Variants in ZC3H18 observed in about 807,000 individuals in gnomAD.
ZC3H18 encodes zinc finger CCCH-type containing 18, also known as zinc finger CCCH domain-containing protein 18.
Under a neutral mutation model 106.1 loss-of-function variants are expected in ZC3H18, and 8 were observed. The ratio of observed to expected loss-of-function variants is 0.08; its 90% CI spans 0.04 to 0.14. ZC3H18 has a LOEUF of 0.14. Ranked by LOEUF, ZC3H18 falls within the 10% of genes least tolerant of loss-of-function variation. ZC3H18 has a pLI of 1.00. For missense variants in ZC3H18, 1,318 were observed against 1,278.4 expected, an observed-to-expected ratio of 1.03 and a Z score of -0.47; for synonymous variants, 635 against 522.1, an observed-to-expected ratio of 1.22 and a Z score of -2.95.
rs1906405438 is a variant in ZC3H18, at chr16:88,627,811, A to G, written c.2269+29A>G. ...CTCAGGAGCCCTGGTACCTTTGGGG[A>G]GCAGCTCCCGGGGGAGGAGGGCGGC... On this transcript the variant is annotated intron_variant, in intron 14 of 17. Transcript: ENST00000301011. This position sits in a 1 kb window ranked among gnomAD's most constrained non-coding sequence, Gnocchi z 4.5. The G allele has an allele frequency of 2.5e-6, 4 of 1,609,568 alleles. No individual in the cohort carries two copies. The highest frequency in any genetic ancestry group is 3.4e-6 in the Non-Finnish European group (4 of 1,176,810).
At chr16:88,594,093 C>T (rs553933088) in intron 3 of ZC3H18, among the ~76,000 whole-genome samples, 1 of 152,256 alleles carries the variant, frequency 6.6e-6, no homozygotes, top group East Asian at 1.9e-4. Flanking sequence ...TGCATCTCTT[C>T]CTGGGGCTGT....
chr16:88,631,201 G>C lies in ZC3H18; in HGVS notation c.2764G>C (p.Ala922Pro), dbSNP rs1430095232. 1.2e-6 allele frequency: 2 copies of C among 1,613,738 alleles called. No individual in the cohort carries two copies. Among genetic ancestry groups the C allele is most frequent in the Admixed American group, 1.7e-5 (1 of 60,002 alleles). ...CGCCGCCAGCACCAAATCAGGGAAG[G>C]CCAGCACGCTGTCTCGGCGGGAGGA... is the stretch of plus-strand genomic sequence containing the variant. ...PGAASTKSGK[A>P]STLSRREELL... Residue 922 changes from alanine to proline, a missense_variant, in exon 18 of 18, where the codon GCC becomes CCC. Ala to Pro is a conservative substitution (Grantham distance 27). Transcript: ENST00000301011.
At chr16:88,599,209 G>T (rs1314366998) in intron 5 of ZC3H18, among the ~76,000 whole-genome samples, 1 of 151,758 alleles carries the variant, frequency 6.6e-6, no homozygotes, top group African/African-American at 2.4e-5. Flanking sequence ...TGCCCGAGCC[G>T]CACCCCCAGG....
rs1419074639 is a variant in ZC3H18, at chr16:88,628,005, A to G, written c.2355A>G (p.Pro785=). The G allele has an allele frequency of 6.2e-7, 1 of 1,614,194 alleles. No homozygotes were observed. The highest frequency in any genetic ancestry group is 1.1e-5 in the South Asian group (1 of 91,092). The stretch of plus-strand genomic sequence containing the variant: ...AACCACCCAAATCTGCAAAACCTCC[A>G]GCAGGGGGGAAGTCCTCCCAGCAGC... The part of the protein sequence containing the change: ...STQPPKSAKP[P]AGGKSSQQPS... The change falls in exon 15 of 18, where the codon CCA becomes CCG. Residue 785 remains proline (P), a synonymous_variant. Coordinates refer to ENST00000301011, the MANE Select transcript of ZC3H18 (RefSeq NM_144604.4).
chr16:88,601,966 A>G (rs1041089488), intron 6 of ZC3H18, among the ~76,000 whole-genome samples: 1 of 152,200 alleles, frequency 6.6e-6, no homozygotes, highest in Non-Finnish European at 1.5e-5. Flanking sequence ...AAGAGCATCT[A>G]AGGGAAGGGT....
chr16:88,596,905 A>G (rs779401410), intron 3 of ZC3H18, among the ~76,000 whole-genome samples: 23 of 152,140 alleles, frequency 1.5e-4, no homozygotes, highest in Middle Eastern at 6.8e-3. Flanking sequence ...ATAGAATAAC[A>G]TTTCCCAACC....
Position 88,576,812 on chromosome 16 carries a change from G to A in ZC3H18, c.-14-298G>A, listed in dbSNP as rs193032868. On this transcript the variant is annotated intron_variant, in intron 1 of 17. Transcript: ENST00000301011. ...ATCGTTACTCACTTTCTGTTAACTC[G>A]TGTGGGCTGCCCTTGAGCGGGGAAG... 9.2e-5 allele frequency among the ~76,000 whole-genome samples: 14 copies of A among 152,320 alleles called. No individual in the cohort carries two copies. In the South Asian group the frequency reaches 1.2e-3, roughly 14 times the overall value.
At chr16:88,603,155 CAG>C (rs541618723) in intron 6 of ZC3H18, among the ~76,000 whole-genome samples, 32 of 151,938 alleles carry the variant, frequency 2.1e-4, no homozygotes, top group African/African-American at 6.0e-4. Context: ...TTAGTAGAGA[CAG>C]GGTTTCACCA....
chr16:88,610,217 G>T (rs1330010985), intron 7 of ZC3H18, among the ~76,000 whole-genome samples: 1 of 152,214 alleles, frequency 6.6e-6, no homozygotes, highest in Non-Finnish European at 1.5e-5. Flanking sequence ...CTGTTAGGGT[G>T]ATTTGACGAA....
chr16:88,627,766 G>A lies in ZC3H18; in HGVS notation c.2253G>A (p.Gln751=), dbSNP rs1236058475. The A allele has an allele frequency of 5.0e-6, 8 of 1,605,494 alleles. No homozygotes were observed. The highest frequency in any genetic ancestry group is 4.0e-5 in the African/African-American group (3 of 74,844). The change falls in exon 14 of 18, where the codon CAG becomes CAA. Residue 751 remains glutamine, a synonymous_variant. Coordinates refer to ENST00000301011, the MANE Select transcript of ZC3H18 (RefSeq NM_144604.4). The surrounding 1 kb of genome is among the most constrained non-coding windows in gnomAD (Gnocchi z 4.5). ...GCTCTCGGTCCCCGGCCCCAGCCCA[G>A]ACCAGGAAGGAGAAAGGTACTCAGG... ...SASSRSPAPA[Q]TRKEKGKSKK...
intron 3 of ZC3H18, chr16:88,587,459 G>C: frequency 6.9e-6 from 8 of 1,159,736 alleles, no homozygotes; most frequent in Non-Finnish European, 9.8e-6. Flanking sequence ...TCTTAATTTT[G>C]CTGTAAGCCC....
chr16:88,591,316 T>A (rs1433962423), intron 3 of ZC3H18, among the ~76,000 whole-genome samples: 1 of 150,216 alleles, frequency 6.7e-6, no homozygotes, highest in Non-Finnish European at 1.5e-5. Flanking sequence ...CTGATGCCTG[T>A]AATCATAGCA....
chr16:88,599,852 C>T lies in ZC3H18; in HGVS notation c.992C>T (p.Thr331Met), dbSNP rs774926302. 6.8e-6 allele frequency: 11 copies of T among 1,614,184 alleles called. No homozygotes were observed. The highest frequency in any genetic ancestry group is 9.3e-6 in the Non-Finnish European group (11 of 1,180,032). The change falls in exon 6 of 18, where the codon ACG (threonine) becomes ATG (methionine). Residue 331 changes from threonine (T) to methionine (M), a missense_variant. Thr to Met is a moderately conservative substitution (Grantham distance 81). Coordinates refer to ENST00000301011, the MANE Select transcript of ZC3H18 (RefSeq NM_144604.4). Reference protein sequence around the residue: ...QEPDFEEKRFTVTIGEDEREF... With the variant: ...QEPDFEEKRFMVTIGEDEREF... ...CCTGATTTTGAAGAGAAAAGGTTTA[C>T]GGTGACCATTGGCGAAGACGAACGG... is the stretch of plus-strand genomic sequence containing the variant.
At chr16:88,619,848 C>T (rs1372911212) in intron 8 of ZC3H18, among the ~76,000 whole-genome samples, 1 of 152,196 alleles carries the variant, frequency 6.6e-6, no homozygotes, top group African/African-American at 2.4e-5. Flanking sequence ...TATTGGTGCT[C>T]CCTTTCCTCT....
At chr16:88,630,756 A>ACCC (rs1281479340) in intron 17 of ZC3H18, among the ~76,000 whole-genome samples, 175 bp downstream of exon 17, 593 of 50,148 alleles carry the variant, frequency 0.012, 34 homozygotes, top group African/African-American at 0.038. Context: ...CCCACCCCCC[A>ACCC]CCCCCCCCCA....
chr16:88,576,242 A>G (rs1391390248), intron 1 of ZC3H18, among the ~76,000 whole-genome samples: 3 of 149,778 alleles, frequency 2.0e-5, no homozygotes, highest in Non-Finnish European at 3.0e-5. Flanking sequence ...GGGTCTCACC[A>G]TGTTGCCCAG....
chr16:88,603,837 G>T (rs186858667), intron 6 of ZC3H18, among the ~76,000 whole-genome samples: 2 of 145,268 alleles, frequency 1.4e-5, no homozygotes, highest in East Asian at 4.1e-4. Flanking sequence ...GTTTCACCAT[G>T]TTAGCCAGGT....
intron 6 of ZC3H18, among the ~76,000 whole-genome samples, chr16:88,607,447 T>A (rs939473812): frequency 6.6e-6 from 1 of 152,236 alleles, no homozygotes; most frequent in African/African-American, 2.4e-5. Flanking sequence ...TGTGTTAAAT[T>A]TATCAGTCAG....
chr16:88,599,918 C>G lies in ZC3H18; in HGVS notation c.1058C>G (p.Ser353Cys), dbSNP rs1336611966. 1 of 1,614,198 alleles carries G rather than the reference C, an allele frequency of 6.2e-7. No individual in the cohort carries two copies. Among genetic ancestry groups the G allele is most frequent in the Non-Finnish European group, 8.5e-7 (1 of 1,180,024 alleles). Residue 353 changes from serine to cysteine, a missense_variant, in exon 6 of 18, where the codon TCT becomes TGT. Transcript: ENST00000301011. ...KENEVFRDWN[S>C]RIPRDVRDTV... ...AATGAAGTTTTTCGAGATTGGAATT[C>G]TCGGATCCCGAGAGATGTCAGAGAC...
Sources: allele counts gnomAD v4.1 joint callset (sites outside exome capture counted in the v4.1 genomes callset), GRCh38; gene constraint gnomAD v4.1.1; non-coding constraint Gnocchi (gnomAD v3.1); transcripts MANE v1.5; gene names NCBI Gene and HGNC (gene_info 2026-07-23, HGNC 2026-07-21).